The following CALN1 variants were observed in gnomAD, a reference collection of about 807,000 sequenced individuals.
The protein encoded by CALN1 is calneuron 1, also known as calcium-binding protein 8.
CALN1 carries 17 observed loss-of-function variants against 30.6 expected under a neutral mutation model. The ratio of observed to expected loss-of-function variants is 0.56; its 90% CI spans 0.38 to 0.83. The LOEUF is 0.83. CALN1 is among the 40% of genes least tolerant of loss of function. The pLI is 0.00. For synonymous variants in CALN1, 156 were observed against 131.4 expected (o/e 1.19, Z -1.28); for missense variants, 291 against 354.9 (o/e 0.82, Z 1.45).
chr7:72,408,550 G>C (rs971562641), intron 1 of CALN1, among the ~76,000 whole-genome samples: 1 of 152,118 alleles, frequency 6.6e-6, no homozygotes, highest in Non-Finnish European at 1.5e-5. Context: ...AAACCAACAA[G>C]GCCCTGGTCA....
intron 5 of CALN1, among the ~76,000 whole-genome samples, chr7:71,953,586 T>A (rs770621030): frequency 1.3e-5 from 2 of 152,194 alleles, no homozygotes; most frequent in African/African-American, 2.4e-5. Context: ...CTTTCACGCC[T>A]ATTAACAGCA....
chr7:72,469,688 C>T, the CALN1 span, among the ~76,000 whole-genome samples: 9 of 152,254 alleles, frequency 5.9e-5, no homozygotes, highest in African/African-American at 7.2e-5. Context: ...CATGAGCCAC[C>T]GCACCCAGCC....
intron 4 of CALN1, among the ~76,000 whole-genome samples, chr7:72,095,533 T>C (rs844717): frequency 0.017 from 2,598 of 152,264 alleles, 71 homozygotes; most frequent in African/African-American, 0.058. Context: ...CCAACACTAG[T>C]GGCTTTGTGA....
chr7:72,254,092 TTGG>T (rs1795749258), intron 3 of CALN1, among the ~76,000 whole-genome samples: 1 of 152,088 alleles, frequency 6.6e-6, no homozygotes, highest in South Asian at 2.1e-4. Flanking sequence ...TCTGCTCTTC[TTGG>T]TGGCTCTGAC....
intron 2 of CALN1, among the ~76,000 whole-genome samples, chr7:72,316,768 G>A (rs139865222): frequency 6.6e-6 from 1 of 151,884 alleles, no homozygotes; most frequent in East Asian, 1.9e-4. Context: ...AGCATAGTGA[G>A]ACCCTGTTTC....
chr7:72,337,418 GCGCGCACACACACACACACACA>G (rs1802140578), intron 2 of CALN1, among the ~76,000 whole-genome samples: 1 of 19,006 alleles, frequency 5.3e-5, no homozygotes, highest in South Asian at 2.6e-3. Context: ...ACTCACACTC[GCGCGCACACACACACACACACA>G]CGCATGCACA....
upstream of CALN1, among the ~76,000 whole-genome samples, chr7:72,414,871 C>T (rs1807372630): frequency 6.6e-6 from 1 of 152,214 alleles, no homozygotes; most frequent in Non-Finnish European, 1.5e-5. Flanking sequence ...TGTGTCCCTC[C>T]TCCAAATCCT....
At chr7:72,139,328 G>A (rs924985202) in intron 3 of CALN1, among the ~76,000 whole-genome samples, 72 of 149,108 alleles carry the variant, frequency 4.8e-4, no homozygotes, top group Admixed American at 1.2e-3. Flanking sequence ...CCTCAGCCAC[G>A]CCCAACCTCT....
At chr7:71,852,761 G>A (rs1181904876) in intron 5 of CALN1, among the ~76,000 whole-genome samples, 2 of 152,136 alleles carry the variant, frequency 1.3e-5, no homozygotes, top group Non-Finnish European at 2.9e-5. Flanking sequence ...TTCTGGGCAA[G>A]AAGTGGGTAA....
chr7:72,375,626 A>G (rs1282142855), intron 2 of CALN1, among the ~76,000 whole-genome samples: 16 of 152,028 alleles, frequency 1.1e-4, no homozygotes, highest in Non-Finnish European at 1.5e-5. Context: ...AGCATAATAC[A>G]AAATTAGGCA....
intron 5 of CALN1, among the ~76,000 whole-genome samples, chr7:71,894,897 C>T (rs1236276789): frequency 6.6e-6 from 1 of 152,120 alleles, no homozygotes; most frequent in Admixed American, 6.5e-5. Context: ...ATATTTCTGA[C>T]TGGTTATTGA....
chr7:72,441,722 C>T (rs1200952262), intron 1 of CALN1, among the ~76,000 whole-genome samples: 1 of 152,092 alleles, frequency 6.6e-6, no homozygotes, highest in Non-Finnish European at 1.5e-5. Flanking sequence ...GAAGCACCTC[C>T]CTCCCAATCT....
chr7:71,999,326 A>G lies in CALN1; in HGVS notation c.501+24331T>C, dbSNP rs1027360924. Among the ~76,000 whole-genome samples the G allele has an allele frequency of 7.9e-5, 12 of 152,192 alleles. 1 individual carries two copies. The highest frequency in any genetic ancestry group is 7.9e-4 in the Admixed American group (12 of 15,280). ...ACATCAAAAAGCTTCACAATACATG[A>G]AGCAAAAACAGAGTTAACAGGGAAA... is the stretch of plus-strand genomic sequence containing the variant. On this transcript the variant is annotated intron_variant, in intron 5 of 6. Coordinates refer to ENST00000395275, the MANE Select transcript of CALN1 (RefSeq NM_031468.4).
At chr7:72,377,456 TG>T (rs1562932498) in intron 2 of CALN1, among the ~76,000 whole-genome samples, 3 of 151,766 alleles carry the variant, frequency 2.0e-5, no homozygotes, top group Admixed American at 2.0e-4. Context: ...TGTGTGTGTG[TG>T]TGTGTGTGTG....
chr7:71,948,959 C>G (rs1279748116), intron 5 of CALN1, among the ~76,000 whole-genome samples: 1 of 142,294 alleles, frequency 7.0e-6, no homozygotes, highest in Non-Finnish European at 1.5e-5. Context: ...GGGAGGATCA[C>G]TTGAGCCCAG....
chr7:72,013,449 A>G (rs1429948250), intron 5 of CALN1, among the ~76,000 whole-genome samples: 1 of 151,788 alleles, frequency 6.6e-6, no homozygotes, highest in Admixed American at 6.6e-5. Context: ...ACAGAGTCTC[A>G]CTATGTCGCC....
intron 2 of CALN1, among the ~76,000 whole-genome samples, chr7:72,295,943 G>C (rs1179123186): frequency 1.3e-5 from 2 of 151,958 alleles, no homozygotes; most frequent in African/African-American, 4.8e-5. Context: ...TCTTGTGCCA[G>C]TTTTCAAACG....
At chr7:72,197,723 G>A (rs1791134529) in intron 3 of CALN1, among the ~76,000 whole-genome samples, 2 of 152,096 alleles carry the variant, frequency 1.3e-5, no homozygotes, top group Admixed American at 6.6e-5. Context: ...AGGCAAGATG[G>A]TGCACACCTG....
At chr7:72,183,531 G>T (rs1030384750) in intron 3 of CALN1, among the ~76,000 whole-genome samples, 5 of 152,172 alleles carry the variant, frequency 3.3e-5, no homozygotes, top group Admixed American at 6.5e-5. Flanking sequence ...GAGAAGTTAT[G>T]AAGAAGAGGA....
Sources: allele counts gnomAD v4.1 joint callset (sites outside exome capture counted in the v4.1 genomes callset), GRCh38; gene constraint gnomAD v4.1.1; transcripts MANE v1.5; gene names NCBI Gene and HGNC (gene_info 2026-07-23, HGNC 2026-07-21).